The following ERC2 variants were observed in gnomAD, a reference collection of about 807,000 sequenced individuals.
ERC2 encodes ELKS/RAB6-interacting/CAST family member 2, also known as ERC protein 2.
A neutral mutation model predicts 114.8 loss-of-function variants in ERC2; 42 were observed. The observed-to-expected ratio is 0.37, with a 90% confidence interval of 0.29 to 0.47. ERC2 has a LOEUF of 0.47. ERC2 is among the 20% of genes least tolerant of loss of function. The probability of loss-of-function intolerance (pLI) is 0.99; values close to 1 mark genes in which losing one functional copy is unlikely to be tolerated. For synonymous variants in ERC2, 454 were observed against 425.5 expected (o/e 1.07, Z -0.82); for missense variants, 939 against 1,150.7 (o/e 0.82, Z 2.66).
intron 17 of ERC2, among the ~76,000 whole-genome samples, chr3:55,543,402 G>T (rs958612175): frequency 6.6e-6 from 1 of 152,184 alleles, no homozygotes; most frequent in African/African-American, 2.4e-5. Flanking sequence ...AAAAAGGAAG[G>T]CTCCCACGTG....
In ERC2 at chr3:55,831,105, A is replaced by G. The variant is rs966953918; in HGVS notation, c.2564+57284T>C. On this transcript the variant is annotated intron_variant, in intron 14 of 17. Coordinates refer to ENST00000288221, the MANE Select transcript of ERC2 (RefSeq NM_015576.3). ...GAAGGTTGTTTGAAGCCAGGAGTTC[A>G]AGACCAGCCTAGGCAACATGACAAG... Among the ~76,000 whole-genome samples, 10 of 150,728 alleles carry G rather than the reference A, an allele frequency of 6.6e-5. No individual in the cohort carries two copies. The East Asian group carries it at 2.0e-3, about 29-fold the overall frequency.
At chr3:56,127,270 C>T (rs1221238165) in intron 6 of ERC2, among the ~76,000 whole-genome samples, 1 of 152,118 alleles carries the variant, frequency 6.6e-6, no homozygotes, top group African/African-American at 2.4e-5. Flanking sequence ...AGTCTCAATG[C>T]AATCCCTATT....
At chr3:55,635,583 G>A (rs1378321735) in intron 17 of ERC2, among the ~76,000 whole-genome samples, 1 of 151,842 alleles carries the variant, frequency 6.6e-6, no homozygotes, top group African/African-American at 2.4e-5. Flanking sequence ...TAGAGACGGG[G>A]TTTTATCATG....
intron 2 of ERC2, among the ~76,000 whole-genome samples, chr3:56,345,564 T>G (rs1242677346): frequency 6.6e-6 from 1 of 152,192 alleles, no homozygotes; most frequent in Non-Finnish European, 1.5e-5. Flanking sequence ...CTAGATTGCC[T>G]ACTTCAAAAA....
intron 17 of ERC2, among the ~76,000 whole-genome samples, chr3:55,613,705 G>A (rs573401629): frequency 2.0e-5 from 3 of 152,118 alleles, no homozygotes; most frequent in Admixed American, 6.5e-5. Flanking sequence ...GTGGCCGGGC[G>A]TGGTGGCTCA....
At chr3:55,794,262 C>CT (rs1180830357) in intron 14 of ERC2, among the ~76,000 whole-genome samples, 1 of 152,186 alleles carries the variant, frequency 6.6e-6, no homozygotes, top group African/African-American at 2.4e-5. Context: ...AGAAACTAAT[C>CT]TGTTTCCTCC....
At chr3:56,122,930 C>T (rs900717576) in intron 6 of ERC2, among the ~76,000 whole-genome samples, 8 of 152,284 alleles carry the variant, frequency 5.3e-5, no homozygotes, top group African/African-American at 1.9e-4. Flanking sequence ...TTCTCTGCTA[C>T]TTTATGGGCT....
At chr3:55,836,542 G>A (rs1375186724) in intron 14 of ERC2, among the ~76,000 whole-genome samples, 5 of 152,140 alleles carry the variant, frequency 3.3e-5, no homozygotes, top group Non-Finnish European at 4.4e-5. Flanking sequence ...GGGAAAACTG[G>A]CTAGCCATAT....
chr3:55,722,244 AAT>A (rs1326811609), intron 15 of ERC2, among the ~76,000 whole-genome samples: 1 of 152,108 alleles, frequency 6.6e-6, no homozygotes, highest in Non-Finnish European at 1.5e-5. Flanking sequence ...ATTAAAAAAA[AAT>A]AATAATGTCA....
At chr3:56,281,930 G>A (rs2054375603) in intron 3 of ERC2, among the ~76,000 whole-genome samples, 1 of 152,198 alleles carries the variant, frequency 6.6e-6, no homozygotes, top group Non-Finnish European at 1.5e-5. Context: ...AGAAGTCAAT[G>A]GTTTGCAAAG....
chr3:56,116,051 C>T (rs980583047), intron 6 of ERC2, among the ~76,000 whole-genome samples: 3 of 152,204 alleles, frequency 2.0e-5, no homozygotes, highest in Admixed American at 1.3e-4. Flanking sequence ...CCATGTTTCT[C>T]CTCCCTCTCT....
chr3:56,164,123 C>A (rs1185835961), intron 4 of ERC2, among the ~76,000 whole-genome samples: 1 of 151,940 alleles, frequency 6.6e-6, no homozygotes, highest in African/African-American at 2.4e-5. Flanking sequence ...CTTTCATGAG[C>A]TATAATACAC....
intron 14 of ERC2, among the ~76,000 whole-genome samples, chr3:55,748,687 A>C (rs974110971): frequency 8.5e-5 from 13 of 152,218 alleles, no homozygotes; most frequent in Non-Finnish European, 1.6e-4. Flanking sequence ...TGCATGTATC[A>C]AATACTAGGA....
At chr3:56,178,788 C>A (rs759644054) in intron 3 of ERC2, among the ~76,000 whole-genome samples, 1 of 150,876 alleles carries the variant, frequency 6.6e-6, no homozygotes, top group Non-Finnish European at 1.5e-5. Context: ...GGAAAAGGCA[C>A]GATAATTTTA....
chr3:55,714,501 T>C (rs2063963006), intron 15 of ERC2, among the ~76,000 whole-genome samples: 1 of 151,922 alleles, frequency 6.6e-6, no homozygotes, highest in Non-Finnish European at 1.5e-5. Flanking sequence ...AAAAGAGTGA[T>C]ACGTATTTGT....
chr3:55,614,164 T>C (rs925496129), intron 17 of ERC2, among the ~76,000 whole-genome samples: 4 of 152,046 alleles, frequency 2.6e-5, no homozygotes, highest in African/African-American at 9.7e-5. Context: ...ACTGGAAAGG[T>C]ATCTGGAAAG....
intron 14 of ERC2, among the ~76,000 whole-genome samples, chr3:55,750,463 T>A (rs2066621112): frequency 6.6e-6 from 1 of 152,166 alleles, no homozygotes; most frequent in South Asian, 2.1e-4. Flanking sequence ...TCTGTGATGT[T>A]AAAGACTAAA....
intron 14 of ERC2, among the ~76,000 whole-genome samples, chr3:55,745,348 C>T (rs944578256): frequency 1.8e-4 from 27 of 152,152 alleles, no homozygotes; most frequent in African/African-American, 6.0e-4. Context: ...TTCTGAAAGG[C>T]GACTTTTAAA....
chr3:56,396,979 T>C (rs1297684107), intron 2 of ERC2, among the ~76,000 whole-genome samples: 2 of 151,934 alleles, frequency 1.3e-5, no homozygotes, highest in African/African-American at 4.8e-5. Flanking sequence ...CACTGAAGAG[T>C]AATCAGTTCC....
Sources: gnomAD v4.1 joint callset for allele counts (sites outside exome capture counted in the v4.1 genomes callset) on GRCh38, gnomAD v4.1.1 for gene constraint, MANE v1.5 for transcripts, NCBI Gene and HGNC (gene_info 2026-07-23, HGNC 2026-07-21) for gene names.